Variants in DACH2 observed in about 807,000 individuals in gnomAD.
The protein encoded by DACH2 is dachshund family transcription factor 2.
DACH2 carries 17 observed loss-of-function variants against 35.8 expected under a neutral mutation model. The ratio of observed to expected loss-of-function variants is 0.48; its 90% confidence interval spans 0.33 to 0.71. The LOEUF is 0.71. Among genes scored for constraint, DACH2 ranks in the 30% least tolerant of loss-of-function variants. The pLI is 0.02. For missense variants in DACH2, 469 were observed against 472.7 expected, an observed-to-expected ratio of 0.99 and a Z score of 0.07; for synonymous variants, 195 against 177.3, an observed-to-expected ratio of 1.10 and a Z score of -0.79.
At chrX:86,443,461 GCAA>G (rs2037205130) in intron 2 of DACH2, among the ~76,000 whole-genome samples, 1 of 109,392 alleles carries the variant, frequency 9.1e-6, no homozygotes, top group Non-Finnish European at 1.9e-5. Context: ...TATACTTTCT[GCAA>G]ACATGGACAG....
chrX:86,429,535 A>ATTTCTTTTCTTTT (rs1556136455), intron 2 of DACH2, among the ~76,000 whole-genome samples: 1 of 101,492 alleles, frequency 9.9e-6, no homozygotes, highest in African/African-American at 3.7e-5. Flanking sequence ...TCTAGAGTGC[A>ATTTCTTTTCTTTT]TTTCTTTTCT....
chrX:86,502,011 T>TTCCTTCCTTCCTTCC (rs1569422509), intron 2 of DACH2, among the ~76,000 whole-genome samples: 1,096 of 95,520 alleles, frequency 0.011, 12 homozygotes, highest in Non-Finnish European at 0.018. Flanking sequence ...TCTTTCCTTC[T>TTCCTTCCTTCCTTCC]TTCCTTCCTT....
chrX:86,335,791 T>C (rs1381547339), intron 1 of DACH2, among the ~76,000 whole-genome samples: 1 of 111,982 alleles, frequency 8.9e-6, no homozygotes, highest in Non-Finnish European at 1.9e-5. Flanking sequence ...CTATGTTGAA[T>C]AAGAGTGGTG....
At chrX:86,314,674 G>A (rs1209549654) in intron 1 of DACH2, among the ~76,000 whole-genome samples, 2 of 112,233 alleles carry the variant, frequency 1.8e-5, no homozygotes, top group Non-Finnish European at 3.8e-5. Context: ...ATCAGTGAAC[G>A]TATAGATGAT....
At chrX:86,365,762 GT>G (rs1569364786) in intron 1 of DACH2, among the ~76,000 whole-genome samples, 2 of 111,164 alleles carry the variant, frequency 1.8e-5, no homozygotes, top group East Asian at 5.7e-4. Flanking sequence ...GTTTTATAAT[GT>G]TTGCACTTTT....
chrX:86,232,144 G>A (rs564799769), intron 1 of DACH2, among the ~76,000 whole-genome samples: 2 of 111,418 alleles, frequency 1.8e-5, no homozygotes, highest in Admixed American at 1.9e-4. Flanking sequence ...TAGAGAGCAG[G>A]CCAATTGGGA....
chrX:86,685,557 G>T (rs958911961), intron 4 of DACH2, among the ~76,000 whole-genome samples: 10 of 111,210 alleles, frequency 9.0e-5, no homozygotes, highest in African/African-American at 2.6e-4. Context: ...TAAATTCTAG[G>T]AACTAGCTCT....
At chrX:86,520,889 G>A (rs1438771494) in intron 3 of DACH2, among the ~76,000 whole-genome samples, 2 of 111,246 alleles carry the variant, frequency 1.8e-5, no homozygotes, top group Non-Finnish European at 3.8e-5. Flanking sequence ...GGGGCATTTA[G>A]CCCATTTACA....
intron 1 of DACH2, among the ~76,000 whole-genome samples, chrX:86,298,753 G>T (rs1602376863): frequency 8.9e-6 from 1 of 111,797 alleles, no homozygotes; most frequent in Non-Finnish European, 1.9e-5. Flanking sequence ...TACAAAAAAG[G>T]TTTCAGAGTT....
chrX:86,459,888 TTG>T (rs1208490414), intron 2 of DACH2, among the ~76,000 whole-genome samples: 2 of 109,299 alleles, frequency 1.8e-5, no homozygotes, highest in Non-Finnish European at 3.8e-5. Flanking sequence ...ATTTTTATTA[TTG>T]ATTACTTATT....
chrX:86,537,731 G>A (rs1252357489), intron 3 of DACH2, among the ~76,000 whole-genome samples: 1 of 111,178 alleles, frequency 9.0e-6, no homozygotes, highest in African/African-American at 3.3e-5. Context: ...AAGCCCTTTG[G>A]CATGGATACA....
chrX:86,409,799 AC>A (rs2036581922), intron 2 of DACH2, among the ~76,000 whole-genome samples: 1 of 112,291 alleles, frequency 8.9e-6, no homozygotes, highest in African/African-American at 3.2e-5. Context: ...TGAAAGTAAA[AC>A]TGATATTTCT....
chrX:86,297,342 CT>C (rs977022196), intron 1 of DACH2, among the ~76,000 whole-genome samples: 2 of 111,024 alleles, frequency 1.8e-5, no homozygotes, highest in African/African-American at 6.6e-5. Flanking sequence ...GAGTACTTTT[CT>C]GTTTTCTGCT....
chrX:86,174,473 G>T (rs754601627), intron 1 of DACH2, among the ~76,000 whole-genome samples: 1 of 110,588 alleles, frequency 9.0e-6, no homozygotes, highest in Admixed American at 9.7e-5. Flanking sequence ...CTTGATCTCA[G>T]ATACTATGGT....
chrX:86,233,115 C>G (rs1032604571), intron 1 of DACH2, among the ~76,000 whole-genome samples: 4 of 111,490 alleles, frequency 3.6e-5, no homozygotes, highest in African/African-American at 9.8e-5. Flanking sequence ...TGCTTGTTCT[C>G]ACTTATAAGT....
intron 1 of DACH2, among the ~76,000 whole-genome samples, chrX:86,284,247 G>A (rs960827199): frequency 2.1e-4 from 23 of 111,189 alleles, no homozygotes; most frequent in African/African-American, 7.2e-4. Flanking sequence ...GTCATATATG[G>A]CTTATATTAT....
At chrX:86,496,698 C>T (rs2038177110) in intron 2 of DACH2, among the ~76,000 whole-genome samples, 1 of 109,949 alleles carries the variant, frequency 9.1e-6, no homozygotes, top group Non-Finnish European at 1.9e-5. Context: ...CATGAAAAAG[C>T]TATGGAAAGG....
At chrX:86,347,029 T>C (rs2035508283) in intron 1 of DACH2, among the ~76,000 whole-genome samples, 1 of 112,041 alleles carries the variant, frequency 8.9e-6, no homozygotes, top group Non-Finnish European at 1.9e-5. Context: ...CCATACATAA[T>C]AAAGAATTAT....
At chrX:86,596,692 T>A (rs186473692) in intron 3 of DACH2, among the ~76,000 whole-genome samples, 2 of 111,818 alleles carry the variant, frequency 1.8e-5, no homozygotes, top group African/African-American at 6.5e-5. Context: ...TCTCTTGATA[T>A]GTCATCTGAT....
Sources: allele counts gnomAD v4.1 joint callset (sites outside exome capture counted in the v4.1 genomes callset), GRCh38; gene constraint gnomAD v4.1.1; transcripts MANE v1.5; gene names NCBI Gene and HGNC (gene_info 2026-07-23, HGNC 2026-07-21).